The following IK variants were observed in gnomAD, a reference collection of about 807,000 sequenced individuals.
IK encodes the protein protein Red.
Under a neutral mutation model 90.9 loss-of-function variants are expected in IK, and 47 were observed. That is an observed-to-expected ratio of 0.52 (90% CI 0.41 to 0.66). The LOEUF (loss-of-function observed/expected upper bound fraction) is 0.66. Ranked by LOEUF, IK falls within the 30% of genes least tolerant of loss-of-function variation. The probability of loss-of-function intolerance (pLI) is 0.00; values close to 1 mark genes in which losing one functional copy is unlikely to be tolerated. For missense variants in IK, 385 were observed against 709.3 expected, an observed-to-expected ratio of 0.54 and a Z score of 5.19; for synonymous variants, 201 against 227.5, an observed-to-expected ratio of 0.88 and a Z score of 1.05.
chr5:140,656,840 A>G (rs933207647), intron 9 of IK, among the ~76,000 whole-genome samples: 1 of 152,180 alleles, frequency 6.6e-6, no homozygotes, highest in African/African-American at 2.4e-5. Context: ...CTGTTGTGCT[A>G]TCATGTAGTA....
At chr5:140,659,977 C>A in intron 14 of IK, 138 bp from the exon 15 acceptor site, 2 of 936,440 alleles carry the variant, frequency 2.1e-6, no homozygotes, top group Non-Finnish European at 3.4e-6. Context: ...ATCCCTTGTT[C>A]CTTCCCAGAG....
chr5:140,658,674 ATGG>A (rs1757748905), intron 10 of IK, 60 bp from the exon 11 acceptor site: 2 of 1,292,780 alleles, frequency 1.5e-6, no homozygotes, highest in Non-Finnish European at 2.2e-6. Flanking sequence ...GCTGGAGAGG[ATGG>A]TGAAGTTCAG....
Position 140,661,874 on chromosome 5 carries a change from A to T in IK, c.1503-25A>T, listed in dbSNP as rs761436815. 1.9e-6 allele frequency: 3 copies of T among 1,581,416 alleles called. 1 individual carries two copies. The South Asian group carries it at 3.4e-5, about 18-fold the overall frequency. ...GCCACTGCTATGCAATCTCTGATGC[A>T]TTCTTTCCCAACTGCTTTTTTCAGG... is the stretch of plus-strand genomic sequence containing the variant. On this transcript the variant is annotated intron_variant, in intron 17 of 19. Coordinates refer to ENST00000417647, the MANE Select transcript of IK (RefSeq NM_006083.4). This position sits in a 1 kb window ranked among gnomAD's most constrained non-coding sequence, Gnocchi z 4.2.
chr5:140,652,466 G>T (rs929728163), intron 4 of IK, among the ~76,000 whole-genome samples: 4 of 152,028 alleles, frequency 2.6e-5, no homozygotes, highest in African/African-American at 9.7e-5. Context: ...GTACATGTAG[G>T]CATTTAGCAC....
Position 140,661,789 on chromosome 5 carries a change from G to A in IK, c.1502+81G>A. On this transcript the variant is annotated intron_variant, in intron 17 of 19. Transcript: ENST00000417647. The surrounding 1 kb of genome is among the most constrained non-coding windows in gnomAD (Gnocchi z 4.2). ...AATAGTGCATATAAGGTTAGAGGGT[G>A]TGGTCTGGCTGAGATGTTCCCCACT... The A allele has an allele frequency of 1.4e-6, 2 of 1,406,668 alleles. No individual in the cohort carries two copies. Among genetic ancestry groups the A allele is most frequent in the Non-Finnish European group, 2.0e-6 (2 of 1,012,812 alleles). 87.1% of individuals were successfully genotyped at this position (1,406,668 alleles called of 1,614,324 possible).
chr5:140,653,903 A>G (rs1408627363), intron 5 of IK, 35 bp from the exon 6 acceptor site: 1 of 1,321,290 alleles, frequency 7.6e-7, no homozygotes, highest in Admixed American at 1.8e-5. Flanking sequence ...ACGCCTGGAC[A>G]GTACTGTTCT....
At chr5:140,658,169 C>T (rs143144180) in intron 10 of IK, among the ~76,000 whole-genome samples, 22 of 151,990 alleles carry the variant, frequency 1.4e-4, no homozygotes, top group African/African-American at 4.8e-4. Flanking sequence ...CCACGCCTGG[C>T]TAATTTTTGT....
chr5:140,662,366 G>A lies in IK; in HGVS notation c.*37G>A. The A allele has an allele frequency of 6.2e-7, 1 of 1,606,460 alleles. No individual in the cohort carries two copies. The highest frequency in any genetic ancestry group is 1.1e-5 in the South Asian group (1 of 90,882). On this transcript the variant is annotated 3_prime_UTR_variant, in exon 20 of 20. Coordinates refer to ENST00000417647, the MANE Select transcript of IK (RefSeq NM_006083.4). Reference sequence around the variant, plus strand: ...AACCAGAGATGCTCCACAAGGATATGCTCCCCACTGTTTTCTTTCTACAAT... The same window carrying A: ...AACCAGAGATGCTCCACAAGGATATACTCCCCACTGTTTTCTTTCTACAAT...
chr5:140,662,036 G>A, intron 18 of IK, 29 bp downstream of exon 18: 1 of 1,575,564 alleles, frequency 6.3e-7, no homozygotes, highest in East Asian at 2.3e-5. Flanking sequence ...TGGGTGGGAG[G>A]GTTTCAGCTG....
chr5:140,662,232 C>T lies in IK; in HGVS notation c.1646+19C>T, dbSNP rs2149809170. On this transcript the variant is annotated intron_variant, in intron 19 of 19. Coordinates refer to ENST00000417647, the MANE Select transcript of IK (RefSeq NM_006083.4). Reference sequence around the variant, plus strand: ...CTGATGGGTGAGCGGCATTATTCTTCCTCTGTGGGACTGGTGGGAATTGCT... The same window carrying T: ...CTGATGGGTGAGCGGCATTATTCTTTCTCTGTGGGACTGGTGGGAATTGCT... The T allele has an allele frequency of 1.2e-6, 2 of 1,613,870 alleles. No homozygotes were observed. Among genetic ancestry groups the T allele is most frequent in the Non-Finnish European group, 8.5e-7 (1 of 1,179,816 alleles).
At chr5:140,653,221 A>G (rs1444046417) in intron 5 of IK, 77 bp downstream of exon 5, 9 of 1,313,502 alleles carry the variant, frequency 6.9e-6, no homozygotes, top group Admixed American at 2.0e-5. Flanking sequence ...TCTTCCTCTT[A>G]CTTTCCTGCC....
Position 140,661,546 on chromosome 5 carries a change from T to G in IK, c.1414-74T>G, listed in dbSNP as rs1213571290. The G allele has an allele frequency of 1.0e-6, 1 of 980,896 alleles. No homozygotes were observed. The highest frequency in any genetic ancestry group is 1.6e-6 in the Non-Finnish European group (1 of 637,702). 60.8% of individuals were successfully genotyped at this position (980,896 alleles called of 1,614,324 possible). On this transcript the variant is annotated intron_variant, in intron 16 of 19. Transcript: ENST00000417647. This position sits in a 1 kb window ranked among gnomAD's most constrained non-coding sequence, Gnocchi z 4.2. ...ACCTGGGATTATGGGAGAGTCTGGC[T>G]TCAATCAAGGGCTGAAATTCCATTT...
intron 6 of IK, 32 bp from the exon 7 acceptor site, chr5:140,654,484 G>T: frequency 6.5e-7 from 1 of 1,530,462 alleles, no homozygotes; most frequent in Non-Finnish European, 8.9e-7. Context: ...TATATAAAAT[G>T]AGTGTCCTAA....
At position 140,660,196 on chromosome 5, in the gene IK, G is replaced by A. The variant is rs1415161900; in HGVS notation, c.1355+1G>A. 1.9e-6 allele frequency: 3 copies of A among 1,607,962 alleles called. No individual in the cohort carries two copies. The highest frequency in any genetic ancestry group is 2.6e-6 in the Non-Finnish European group (3 of 1,175,474). The stretch of plus-strand genomic sequence containing the variant: ...GTTATGCAGAGTGCTACCCAGCCAC[G>A]TATGTGAAACCTGGTTAAGGAAGGG... On this transcript the variant is annotated splice_donor_variant, in intron 15 of 19. Coordinates refer to ENST00000417647, the MANE Select transcript of IK (RefSeq NM_006083.4). LOFTEE classifies it high-confidence loss of function.
intron 14 of IK, 23 bp from the exon 15 acceptor site, chr5:140,660,092 G>C: frequency 6.2e-7 from 1 of 1,600,172 alleles, no homozygotes; most frequent in African/African-American, 1.3e-5. Context: ...ATCCTGTGTA[G>C]TGTTTTCTTT....
chr5:140,652,016 T>G, intron 3 of IK, 72 bp from the exon 4 acceptor site: 1 of 1,219,550 alleles, frequency 8.2e-7, no homozygotes, highest in Middle Eastern at 1.9e-4. Context: ...CTAAAAATCC[T>G]CAAGGAGACT....
At chr5:140,660,247 T>A (rs1174762870) in intron 15 of IK, 52 bp downstream of exon 15, 1 of 1,262,838 alleles carries the variant, frequency 7.9e-7, no homozygotes, top group Non-Finnish European at 1.1e-6. Context: ...GGAAACAAGT[T>A]GGGGGTGAAA....
At chr5:140,656,948 C>T (rs1315779245) in intron 9 of IK, among the ~76,000 whole-genome samples, 3 of 152,146 alleles carry the variant, frequency 2.0e-5, no homozygotes, top group Non-Finnish European at 2.9e-5. Flanking sequence ...CAGTGGCTCA[C>T]ACCTGTAATC....
intron 2 of IK, chr5:140,648,751 T>C (rs1757548828): frequency 1.8e-6 from 1 of 556,588 alleles, no homozygotes; most frequent in East Asian, 2.9e-5. Context: ...GTTTTTTTTT[T>C]TTTTTATACG....
Sources: gnomAD v4.1 joint callset for allele counts (sites outside exome capture counted in the v4.1 genomes callset) on GRCh38, gnomAD v4.1.1 for gene constraint, Gnocchi (gnomAD v3.1) non-coding constraint, MANE v1.5 for transcripts, NCBI Gene and HGNC (gene_info 2026-07-23, HGNC 2026-07-21) for gene names.